Variants in NRG1 observed in about 807,000 individuals in gnomAD.
The protein encoded by NRG1 is neuregulin 1.
A neutral mutation model predicts 63.8 loss-of-function variants in NRG1; 18 were observed. The observed-to-expected ratio is 0.28, with a 90% CI of 0.19 to 0.42. The LOEUF (loss-of-function observed/expected upper bound fraction) is 0.42. NRG1 is among the 10% of genes least tolerant of loss of function. The probability of loss-of-function intolerance (pLI) is 1.00; values close to 1 mark genes in which losing one functional copy is unlikely to be tolerated. For missense variants in NRG1, 762 were observed against 814.7 expected (o/e 0.94, Z 0.79); for synonymous variants, 302 against 301.3 (o/e 1.00, Z -0.02).
intron 1 of NRG1, among the ~76,000 whole-genome samples, chr8:31,987,313 CAT>C (rs1195775295): frequency 0.012 from 999 of 86,044 alleles, 19 homozygotes; most frequent in African/African-American, 0.065. Context: ...AAAAAAAAAA[CAT>C]ATATATGTGT....
intron 1 of NRG1, among the ~76,000 whole-genome samples, chr8:31,809,334 C>CCA (rs1455424077): frequency 2.4e-5 from 3 of 126,130 alleles, no homozygotes; most frequent in Non-Finnish European, 5.2e-5. Context: ...CTCTCTCTCT[C>CCA]CATATATATA....
chr8:31,785,103 T>C (rs1287020592), intron 1 of NRG1, among the ~76,000 whole-genome samples: 3 of 152,156 alleles, frequency 2.0e-5, no homozygotes, highest in African/African-American at 7.2e-5. Context: ...AGGAGAAATA[T>C]GTCTTAAAAA....
At chr8:31,845,133 A>T (rs1213322438) in intron 1 of NRG1, among the ~76,000 whole-genome samples, 1 of 151,820 alleles carries the variant, frequency 6.6e-6, no homozygotes, top group Non-Finnish European at 1.5e-5. Flanking sequence ...AAATAAATAA[A>T]TAAATAAATA....
chr8:32,044,226 TAAAAA>T (rs1820565168), intron 1 of NRG1, among the ~76,000 whole-genome samples: 1 of 151,772 alleles, frequency 6.6e-6, no homozygotes, highest in Non-Finnish European at 1.5e-5. Context: ...TAAATAATAA[TAAAAA>T]GAACAATTTA....
intron 1 of NRG1, among the ~76,000 whole-genome samples, chr8:32,222,693 A>G (rs1022069364): frequency 1.3e-5 from 2 of 152,168 alleles, no homozygotes; most frequent in African/African-American, 2.4e-5. Context: ...TGTCACTGCA[A>G]CCATCACATG....
chr8:32,689,542 AAAAAATTGT>A (rs1412304793), intron 5 of NRG1, among the ~76,000 whole-genome samples: 7 of 152,204 alleles, frequency 4.6e-5, no homozygotes, highest in African/African-American at 1.7e-4. Context: ...TTGTGCTTTT[AAAAAATTGT>A]TCTGTCTTCT....
chr8:31,973,757 C>A (rs1807690534), intron 1 of NRG1, among the ~76,000 whole-genome samples: 1 of 152,146 alleles, frequency 6.6e-6, no homozygotes, highest in Non-Finnish European at 1.5e-5. Context: ...AGGAAATTTC[C>A]TGATAATGGT....
chr8:32,576,158 G>A (rs1017986025), intron 1 of NRG1, among the ~76,000 whole-genome samples: 1 of 151,920 alleles, frequency 6.6e-6, no homozygotes, highest in Non-Finnish European at 1.5e-5. Flanking sequence ...TACTCTCTTA[G>A]CAATTTTCAA....
chr8:32,519,529 G>A (rs953465439), intron 1 of NRG1, among the ~76,000 whole-genome samples: 13 of 151,820 alleles, frequency 8.6e-5, no homozygotes, highest in African/African-American at 3.1e-4. Context: ...CGCAAGATTT[G>A]AAACATTTTC....
intron 1 of NRG1, among the ~76,000 whole-genome samples, chr8:32,052,621 A>G (rs1822173412): frequency 6.6e-6 from 1 of 152,140 alleles, no homozygotes; most frequent in African/African-American, 2.4e-5. Flanking sequence ...AAAGTCCAGA[A>G]ATCAAATTGT....
At chr8:32,175,304 A>T (rs1365688531) in intron 1 of NRG1, among the ~76,000 whole-genome samples, 2 of 152,250 alleles carry the variant, frequency 1.3e-5, no homozygotes, top group Non-Finnish European at 2.9e-5. Flanking sequence ...AAAACTATCA[A>T]TAAATTAGGT....
chr8:32,183,706 T>G (rs1330292207), intron 1 of NRG1, among the ~76,000 whole-genome samples: 1 of 152,202 alleles, frequency 6.6e-6, no homozygotes, highest in Non-Finnish European at 1.5e-5. Context: ...AGTAGACTTA[T>G]GTTTGGGATA....
chr8:32,723,881 C>A (rs979998113), intron 5 of NRG1, among the ~76,000 whole-genome samples: 5 of 151,980 alleles, frequency 3.3e-5, no homozygotes, highest in African/African-American at 1.2e-4. Context: ...TTTTTGGAAC[C>A]TCTAAATGAT....
At chr8:32,383,523 T>C (rs536968545) in intron 1 of NRG1, among the ~76,000 whole-genome samples, 1 of 152,334 alleles carries the variant, frequency 6.6e-6, no homozygotes, top group African/African-American at 2.4e-5. Context: ...ACCCTGAAAT[T>C]TAGCATCTAG....
intron 1 of NRG1, among the ~76,000 whole-genome samples, chr8:32,196,451 G>A (rs1380630619): frequency 3.3e-5 from 5 of 152,168 alleles, no homozygotes; most frequent in African/African-American, 1.2e-4. Flanking sequence ...TAGAAGTTTA[G>A]ACTCAGAATA....
chr8:32,228,238 G>A (rs549280923), intron 1 of NRG1, among the ~76,000 whole-genome samples: 1 of 152,272 alleles, frequency 6.6e-6, no homozygotes, highest in Non-Finnish European at 1.5e-5. Context: ...ATACTTATCA[G>A]TGTAAATGGA....
intron 1 of NRG1, among the ~76,000 whole-genome samples, chr8:31,663,713 C>A (rs929153460): frequency 7.9e-5 from 12 of 152,142 alleles, no homozygotes; most frequent in African/African-American, 2.9e-4. Flanking sequence ...AGTTAATGGG[C>A]AGGCATGTAG....
At chr8:32,755,333 C>T (rs545496632) in intron 8 of NRG1, among the ~76,000 whole-genome samples, 1 of 152,276 alleles carries the variant, frequency 6.6e-6, no homozygotes, top group East Asian at 1.9e-4. Flanking sequence ...GCACGATACT[C>T]TGTTGCCAAA....
intron 1 of NRG1, among the ~76,000 whole-genome samples, chr8:31,865,182 A>T (rs1010112991): frequency 6.6e-6 from 1 of 152,042 alleles, no homozygotes; most frequent in Non-Finnish European, 1.5e-5. Context: ...AGGCAGACAG[A>T]TGACATTTTT....
Sources: allele counts gnomAD v4.1 joint callset (sites outside exome capture counted in the v4.1 genomes callset), GRCh38; gene constraint gnomAD v4.1.1; transcripts MANE v1.5; gene names NCBI Gene and HGNC (gene_info 2026-07-23, HGNC 2026-07-21).